NCKAP5: variants seen among roughly 807,000 people sequenced by gnomAD.
NCKAP5 encodes the protein NCK associated protein 5, also known as nck-associated protein 5.
In NCKAP5, 92 loss-of-function variants were observed where a neutral mutation model predicts 167.0. The observed-to-expected ratio is 0.55, with a 90% CI of 0.47 to 0.66. NCKAP5 has a LOEUF of 0.66. Ranked by LOEUF, NCKAP5 falls within the 30% of genes least tolerant of loss-of-function variation. NCKAP5 has a pLI of 0.00. For synonymous variants in NCKAP5, 891 were observed against 877.4 expected (o/e 1.02, Z -0.27); for missense variants, 2,378 against 2,315.0 (o/e 1.03, Z -0.56).
chr2:133,508,720 C>T (rs1320707209), intron 3 of NCKAP5, among the ~76,000 whole-genome samples: 3 of 152,120 alleles, frequency 2.0e-5, no homozygotes, highest in Non-Finnish European at 2.9e-5. Context: ...GAGAATGATG[C>T]GGAAAACTCA....
At chr2:133,350,671 G>A (rs935109159) in intron 3 of NCKAP5, among the ~76,000 whole-genome samples, 3 of 151,842 alleles carry the variant, frequency 2.0e-5, no homozygotes, top group African/African-American at 7.3e-5. Flanking sequence ...ATAAATTATG[G>A]TCATCCCACA....
chr2:133,666,263 T>C, the NCKAP5 span, among the ~76,000 whole-genome samples: 1 of 148,710 alleles, frequency 6.7e-6, no homozygotes, highest in Non-Finnish European at 1.5e-5. Flanking sequence ...AGTGGCGCGA[T>C]CTCGGCTCAC....
At chr2:133,340,753 T>G (rs1251254064) in intron 3 of NCKAP5, among the ~76,000 whole-genome samples, 2 of 152,108 alleles carry the variant, frequency 1.3e-5, no homozygotes, top group African/African-American at 4.8e-5. Flanking sequence ...AGTACAAGAG[T>G]AAGCAGTGAT....
chr2:132,872,662 T>C (rs1442464769), intron 9 of NCKAP5, among the ~76,000 whole-genome samples: 2 of 152,192 alleles, frequency 1.3e-5, no homozygotes, highest in African/African-American at 4.8e-5. Context: ...GTGGGCTTGC[T>C]TTCATATCTT....
intron 11 of NCKAP5, among the ~76,000 whole-genome samples, chr2:132,830,079 T>G (rs1413182818): frequency 1.3e-5 from 2 of 152,182 alleles, no homozygotes; most frequent in Non-Finnish European, 2.9e-5. Context: ...AAACTTATTC[T>G]GGGTCCCATC....
chr2:133,410,128 G>T (rs1440722620), intron 3 of NCKAP5, among the ~76,000 whole-genome samples: 1 of 152,188 alleles, frequency 6.6e-6, no homozygotes, highest in Non-Finnish European at 1.5e-5. Flanking sequence ...ATCACGATTT[G>T]CCTCTCCGTG....
intron 4 of NCKAP5, among the ~76,000 whole-genome samples, chr2:133,250,181 A>C (rs1177414935): frequency 2.0e-5 from 3 of 152,112 alleles, no homozygotes; most frequent in African/African-American, 7.2e-5. Flanking sequence ...TTCAATGAAC[A>C]GATATTCCCC....
At chr2:132,946,174 C>A (rs1030747088) in intron 8 of NCKAP5, among the ~76,000 whole-genome samples, 1 of 152,120 alleles carries the variant, frequency 6.6e-6, no homozygotes, top group Non-Finnish European at 1.5e-5. Context: ...CCATGTGATC[C>A]CCCCTCAGGT....
chr2:133,174,455 T>G (rs2084372930), intron 5 of NCKAP5, among the ~76,000 whole-genome samples: 1 of 152,180 alleles, frequency 6.6e-6, no homozygotes, highest in Admixed American at 6.5e-5. Flanking sequence ...CAAATTCTAT[T>G]ATTCCTCATA....
intron 11 of NCKAP5, among the ~76,000 whole-genome samples, chr2:132,842,053 C>T (rs547341392): frequency 1.3e-5 from 2 of 152,164 alleles, no homozygotes; most frequent in South Asian, 4.1e-4. Flanking sequence ...ATAATATTGG[C>T]ATTACACACA....
At chr2:133,543,683 A>G (rs1309971723) in intron 2 of NCKAP5, among the ~76,000 whole-genome samples, 1 of 152,168 alleles carries the variant, frequency 6.6e-6, no homozygotes, top group Non-Finnish European at 1.5e-5. Flanking sequence ...GGTCTACCAA[A>G]AGACCTACAA....
At chr2:133,550,849 C>T (rs1687230807) in intron 2 of NCKAP5, among the ~76,000 whole-genome samples, 1 of 143,490 alleles carries the variant, frequency 7.0e-6, no homozygotes, top group Admixed American at 7.0e-5. Context: ...CTAGAAAACC[C>T]CATTGTCTCA....
intron 3 of NCKAP5, among the ~76,000 whole-genome samples, chr2:133,511,270 C>T (rs1002357732): frequency 1.3e-5 from 2 of 152,208 alleles, no homozygotes; most frequent in Non-Finnish European, 2.9e-5. Context: ...TTTGGGGCTC[C>T]CTCAAGACTT....
intron 3 of NCKAP5, among the ~76,000 whole-genome samples, chr2:133,304,871 T>G (rs1680667200): frequency 6.6e-6 from 1 of 152,172 alleles, no homozygotes; most frequent in Non-Finnish European, 1.5e-5. Context: ...GTTGGTTACG[T>G]GCTATGAAGT....
intron 16 of NCKAP5, among the ~76,000 whole-genome samples, chr2:132,738,431 T>C (rs1016493097): frequency 6.6e-6 from 1 of 152,212 alleles, no homozygotes; most frequent in South Asian, 2.1e-4. Context: ...CCAAGTGGAA[T>C]GCTGCCATAC....
rs773099558 is a variant in NCKAP5 at position 132,826,068 on chromosome 2, A to T, written c.808-29339T>A. Among the ~76,000 whole-genome samples the T allele has an allele frequency of 3.3e-5, 5 of 152,314 alleles. No homozygotes were observed. The South Asian group carries it at 1.0e-3, about 32-fold the overall frequency. On this transcript the variant is annotated intron_variant, in intron 11 of 19. Transcript: ENST00000409261. ...AGTTTTCAATTGCTTATTTAAAAGG[A>T]GGTAAGAGATAACTAATCCTTTGCT...
At chr2:132,834,080 GA>G (rs2105380302) in intron 11 of NCKAP5, among the ~76,000 whole-genome samples, 1 of 152,166 alleles carries the variant, frequency 6.6e-6, no homozygotes, top group South Asian at 2.1e-4. Flanking sequence ...AAACTTTACT[GA>G]ATTCATTTAA....
rs550007414 is a variant in NCKAP5 at position 132,728,966 on chromosome 2, C to T, written c.5444-14G>A. On this transcript the variant is annotated splice_polypyrimidine_tract_variant and intron_variant, in intron 17 of 19. Transcript: ENST00000409261. Reference sequence around the variant, plus strand: ...AACTGACTTTTCCTAAATGAGGACACGTATGTGGAATCACATATCACCTTT... The same window carrying T: ...AACTGACTTTTCCTAAATGAGGACATGTATGTGGAATCACATATCACCTTT... The T allele has an allele frequency of 1.8e-5, 29 of 1,613,542 alleles. No individual in the cohort carries two copies. In the African/African-American group the frequency reaches 2.0e-4, roughly 11 times the overall value.
chr2:133,592,820 T>C, the NCKAP5 span, among the ~76,000 whole-genome samples: 3 of 152,346 alleles, frequency 2.0e-5, no homozygotes, highest in African/African-American at 7.2e-5. Flanking sequence ...CATTTTTCTA[T>C]TTTGTCTGAA....
Sources: allele counts gnomAD v4.1 joint callset (sites outside exome capture counted in the v4.1 genomes callset), GRCh38; gene constraint gnomAD v4.1.1; transcripts MANE v1.5; gene names NCBI Gene and HGNC (gene_info 2026-07-23, HGNC 2026-07-21).